LIPI: variants seen among roughly 807,000 people sequenced by gnomAD.
LIPI encodes lipase member I.
A neutral mutation model predicts 50.6 loss-of-function variants in LIPI; 59 were observed. That is an observed-to-expected ratio of 1.16 (90% confidence interval 0.94 to 1.45). The LOEUF is 1.45. Among genes scored for constraint, LIPI ranks in the 40% most tolerant of loss-of-function variants. LIPI has a pLI of 0.00. For missense variants in LIPI, 586 were observed against 536.3 expected (o/e 1.09, Z -0.92); for synonymous variants, 203 against 178.2 (o/e 1.14, Z -1.11).
intron 9 of LIPI, among the ~76,000 whole-genome samples, chr21:14,120,782 C>A (rs2016831739): frequency 2.0e-5 from 3 of 151,934 alleles, no homozygotes; most frequent in African/African-American, 7.2e-5. Context: ...ATTCCAGAAG[C>A]CATTGCCCCC....
At chr21:14,119,085 G>T (rs1260178701) in intron 9 of LIPI, among the ~76,000 whole-genome samples, 1 of 152,140 alleles carries the variant, frequency 6.6e-6, no homozygotes. Context: ...GCATTCTTCT[G>T]CATCCAATTA....
chr21:14,186,103 T>A (rs748889837), intron 2 of LIPI, 34 bp from the exon 3 acceptor site: 23 of 1,121,564 alleles, frequency 2.1e-5, no homozygotes, highest in Non-Finnish European at 2.9e-5. Context: ...ATTACAGTAT[T>A]CATTTCAAGT....
chr21:14,171,394 G>GGT (rs2018901048), intron 4 of LIPI, among the ~76,000 whole-genome samples: 1 of 150,582 alleles, frequency 6.6e-6, no homozygotes, highest in South Asian at 2.2e-4. Flanking sequence ...CCAAAAAAGA[G>GGT]CCCGCATCGC....
At chr21:14,205,145 CT>C (rs993087473) in intron 1 of LIPI, among the ~76,000 whole-genome samples, 31 of 151,642 alleles carry the variant, frequency 2.0e-4, no homozygotes, top group African/African-American at 7.2e-4. Context: ...GCTTAGTCTC[CT>C]TAAAAAATCA....
intron 8 of LIPI, among the ~76,000 whole-genome samples, chr21:14,145,849 A>G (rs1018059621): frequency 6.6e-6 from 1 of 152,056 alleles, no homozygotes; most frequent in Non-Finnish European, 1.5e-5. Context: ...GCCATCTCAT[A>G]TTTTTTCCTG....
At chr21:14,189,742 T>A (rs392762) in intron 1 of LIPI, among the ~76,000 whole-genome samples, 21,000 of 152,116 alleles carry the variant, frequency 0.14, 1,911 homozygotes, top group South Asian at 0.21. Context: ...TCAAAGTTGA[T>A]ACATTGATTA....
rs144649749 is a variant in LIPI at position 14,111,096 on chromosome 21, T to C, written c.1296-2016A>G. Reference sequence around the variant, plus strand: ...CATACTGATTTCATTTCCTTTGATATACACCCAGTAGTGGGATTGCTGAAT... The same window carrying C: ...CATACTGATTTCATTTCCTTTGATACACACCCAGTAGTGGGATTGCTGAAT... On this transcript the variant is annotated intron_variant, in intron 9 of 9. Coordinates refer to ENST00000681601, the MANE Select transcript of LIPI (RefSeq NM_001302998.2). 2.2e-3 allele frequency among the ~76,000 whole-genome samples: 338 copies of C among 151,990 alleles called. 2 individuals carry two copies. The highest frequency in any genetic ancestry group is 7.8e-3 in the African/African-American group (326 of 41,544).
At chr21:14,109,432 A>G (rs1267683259) in intron 9 of LIPI, among the ~76,000 whole-genome samples, 1 of 152,144 alleles carries the variant, frequency 6.6e-6, no homozygotes, top group Admixed American at 6.5e-5. Context: ...GGTCACCAGA[A>G]GAGAGTCAGG....
chr21:14,173,785 G>A (rs1230171717), intron 4 of LIPI, among the ~76,000 whole-genome samples: 2 of 151,916 alleles, frequency 1.3e-5, no homozygotes, highest in East Asian at 3.9e-4. Flanking sequence ...GAGGGGAGAA[G>A]AGCACTATTT....
At chr21:14,157,131 T>C (rs1424229910) in intron 7 of LIPI, among the ~76,000 whole-genome samples, 1 of 151,864 alleles carries the variant, frequency 6.6e-6, no homozygotes, top group Non-Finnish European at 1.5e-5. Flanking sequence ...TCCTTGGTGC[T>C]CATCATGAAT....
At chr21:14,110,732 T>C (rs1472653848) in intron 9 of LIPI, among the ~76,000 whole-genome samples, 3 of 151,802 alleles carry the variant, frequency 2.0e-5, no homozygotes, top group Non-Finnish European at 1.5e-5. Context: ...CCTACAGTCT[T>C]TGTCTTTGTG....
chr21:14,122,348 T>C (rs1164800450), intron 9 of LIPI, among the ~76,000 whole-genome samples: 1 of 152,234 alleles, frequency 6.6e-6, no homozygotes, highest in Non-Finnish European at 1.5e-5. Flanking sequence ...CTAGGCCTCC[T>C]ACCCTACAAC....
intron 7 of LIPI, among the ~76,000 whole-genome samples, chr21:14,154,223 A>C (rs2018197837): frequency 6.6e-6 from 1 of 152,140 alleles, no homozygotes; most frequent in Non-Finnish European, 1.5e-5. Context: ...TTATCTTCAC[A>C]GAAAAATTAG....
At chr21:14,200,498 T>C (rs563615955) in intron 1 of LIPI, among the ~76,000 whole-genome samples, 1 of 152,170 alleles carries the variant, frequency 6.6e-6, no homozygotes, top group Non-Finnish European at 1.5e-5. Context: ...TTAACTCTCA[T>C]TCACAATTGC....
chr21:14,189,470 C>CCTAT (rs1568878415), intron 1 of LIPI, 51 bp from the exon 2 acceptor site: 1 of 1,524,892 alleles, frequency 6.6e-7, no homozygotes, highest in South Asian at 1.1e-5. Context: ...GTATTTTATT[C>CCTAT]CTGTTGCTAT....
chr21:14,142,597 C>T (rs906780293), intron 9 of LIPI, among the ~76,000 whole-genome samples: 2 of 151,328 alleles, frequency 1.3e-5, no homozygotes. Context: ...ATTTTCCCAC[C>T]TCAGCCTCCT....
chr21:14,141,045 T>C (rs865806409), intron 9 of LIPI, among the ~76,000 whole-genome samples: 2 of 152,202 alleles, frequency 1.3e-5, no homozygotes, highest in African/African-American at 2.4e-5. Context: ...ATCATCAAAG[T>C]TTTAAAATAA....
intron 4 of LIPI, among the ~76,000 whole-genome samples, chr21:14,176,955 T>C (rs1405099987): frequency 1.3e-5 from 2 of 152,106 alleles, no homozygotes; most frequent in Non-Finnish European, 2.9e-5. Flanking sequence ...AGTATATGCT[T>C]AACTTAGCTA....
chr21:14,156,637 A>G (rs1471529335), intron 7 of LIPI, among the ~76,000 whole-genome samples: 2 of 151,950 alleles, frequency 1.3e-5, no homozygotes, highest in East Asian at 3.8e-4. Flanking sequence ...ATAGAAAATC[A>G]ATATACATTT....
Sources: allele counts gnomAD v4.1 joint callset (sites outside exome capture counted in the v4.1 genomes callset), GRCh38; gene constraint gnomAD v4.1.1; transcripts MANE v1.5; gene names NCBI Gene and HGNC (gene_info 2026-07-23, HGNC 2026-07-21).